Variants in MINK1 observed in about 807,000 individuals in gnomAD.
The protein encoded by MINK1 is misshapen like kinase 1.
A neutral mutation model predicts 178.4 loss-of-function variants in MINK1; 46 were observed. The observed-to-expected ratio is 0.26, with a 90% CI of 0.20 to 0.33. The LOEUF (loss-of-function observed/expected upper bound fraction) is 0.33, where lower values mean the gene tolerates loss of function less well. Ranked by LOEUF, MINK1 falls within the 10% of genes least tolerant of loss-of-function variation. The probability of loss-of-function intolerance (pLI) is 1.00; values close to 1 mark genes in which losing one functional copy is unlikely to be tolerated. For missense variants in MINK1, 1,366 were observed against 1,814.9 expected (o/e 0.75, Z 4.49); for synonymous variants, 797 against 709.7 (o/e 1.12, Z -1.96).
chr17:4,840,337 TC>T (rs1910021552), intron 1 of MINK1, among the ~76,000 whole-genome samples: 1 of 152,152 alleles, frequency 6.6e-6, no homozygotes, highest in Non-Finnish European at 1.5e-5. Context: ...GGGTGGAAAC[TC>T]CAGGCTTAAT....
At chr17:4,870,213 ATTT>A (rs758815938) in intron 1 of MINK1, among the ~76,000 whole-genome samples, 97 of 123,598 alleles carry the variant, frequency 7.8e-4, no homozygotes, top group African/African-American at 2.6e-3. Flanking sequence ...CGCCCGGCCA[ATTT>A]TTTTTTTTTT....
At chr17:4,877,113 C>T (rs1304157947) in intron 1 of MINK1, among the ~76,000 whole-genome samples, 2 of 151,442 alleles carry the variant, frequency 1.3e-5, no homozygotes, top group African/African-American at 4.8e-5. Context: ...AAAGAGCCAT[C>T]ATTCTGCAGG....
Position 4,893,072 on chromosome 17 carries a change from G to A in MINK1, c.2400+5G>A. ...TCACGGCCAGGCCGGCCCGCAGTGAGTCACCTGGTGGCAGGCATGGCCTGC... is the reference window on the plus strand; with the variant it reads ...TCACGGCCAGGCCGGCCCGCAGTGAATCACCTGGTGGCAGGCATGGCCTGC... On this transcript the variant is annotated splice_donor_5th_base_variant and intron_variant, in intron 20 of 31. Transcript: ENST00000355280. 6.4e-7 allele frequency: 1 copy of A among 1,557,572 alleles called. No homozygotes were observed. The highest frequency in any genetic ancestry group is 8.7e-7 in the Non-Finnish European group (1 of 1,152,746).
rs78738540 is a variant in MINK1 at position 4,891,894 on chromosome 17, C to T, written c.2001+178C>T. On this transcript the variant is annotated intron_variant, in intron 16 of 31. Coordinates refer to ENST00000355280, the MANE Select transcript of MINK1 (RefSeq NM_153827.5). ...AGGACGCGACGTGGAGGGGTGGCATCGATCCCTGTGGGGAGCGTGGGAACG... is the reference window on the plus strand; with the variant it reads ...AGGACGCGACGTGGAGGGGTGGCATTGATCCCTGTGGGGAGCGTGGGAACG... 3.0e-3 allele frequency among the ~76,000 whole-genome samples: 461 copies of T among 152,254 alleles called. 2 individuals carry two copies. Among genetic ancestry groups the T allele is most frequent in the African/African-American group, 0.011 (441 of 41,534 alleles).
In MINK1 at chr17:4,868,180, T is replaced by C. The variant is rs367776988; in HGVS notation, c.58-10137T>C. On this transcript the variant is annotated intron_variant, in intron 1 of 31. Transcript: ENST00000355280. ...TTAGTAGAGATGGGGTTTCACCCAGTTGGCCAGGCTGGTCTCAAACTCCTG... is the reference window on the plus strand; with the variant it reads ...TTAGTAGAGATGGGGTTTCACCCAGCTGGCCAGGCTGGTCTCAAACTCCTG... Among the ~76,000 whole-genome samples the C allele has an allele frequency of 1.5e-4, 23 of 152,300 alleles. No homozygotes were observed. The South Asian group carries it at 4.8e-3, about 32-fold the overall frequency.
Position 4,881,155 on chromosome 17 carries a change from G to A in MINK1, c.204G>A (p.Gln68=). 6.5e-7 allele frequency: 1 copy of A among 1,537,184 alleles called. No homozygotes were observed. Among genetic ancestry groups the A allele is most frequent in the Non-Finnish European group, 8.7e-7 (1 of 1,146,880 alleles). The change falls in exon 4 of 32, where the codon CAG becomes CAA. Residue 68 remains glutamine (Q), a synonymous_variant. Coordinates refer to ENST00000355280, the MANE Select transcript of MINK1 (RefSeq NM_153827.5). The part of the protein sequence containing the change: ...VTEDEEEEIK[Q]EINMLKKYSH... ...AGGACGAGGAGGAAGAGATCAAACAGGAGATCAACATGCTGAAAAAGTACT... is the reference window on the plus strand; with the variant it reads ...AGGACGAGGAGGAAGAGATCAAACAAGAGATCAACATGCTGAAAAAGTACT...
rs561126978 is a variant in MINK1, at chr17:4,856,461, G to A, written c.58-21856G>A. ...TCTTTTTTTTTTCTTTCCCTCCCCC[G>A]ACATCTGAGAACTTTATCAGACACA... is the stretch of plus-strand genomic sequence containing the variant. On this transcript the variant is annotated intron_variant, in intron 1 of 31. Coordinates refer to ENST00000355280, the MANE Select transcript of MINK1 (RefSeq NM_153827.5). Among the ~76,000 whole-genome samples, 35 of 150,048 alleles carry A rather than the reference G, an allele frequency of 2.3e-4. 1 individual carries two copies. The highest frequency in any genetic ancestry group is 6.9e-4 in the African/African-American group (28 of 40,678).
At chr17:4,892,347 C>T (rs1968918981) in intron 17 of MINK1, 55 bp from the exon 18 acceptor site, 7 of 1,463,552 alleles carry the variant, frequency 4.8e-6, no homozygotes, top group Admixed American at 2.0e-5. Context: ...GCCCCAGCCC[C>T]ATCACCTCAG....
chr17:4,888,786 C>T (rs549380597), intron 12 of MINK1, among the ~76,000 whole-genome samples: 10 of 146,344 alleles, frequency 6.8e-5, no homozygotes, highest in South Asian at 6.5e-4. Context: ...AAACCTCCGT[C>T]TCCCAGGTTC....
chr17:4,894,853 A>G lies in MINK1; in HGVS notation c.2917+220A>G. The G allele has an allele frequency of 1.5e-6, 1 of 650,126 alleles. No homozygotes were observed. The highest frequency in any genetic ancestry group is 2.6e-6 in the Non-Finnish European group (1 of 381,252). 40.3% of individuals were successfully genotyped at this position (650,126 alleles called of 1,614,324 possible). A position where few individuals can be genotyped will look rare whatever the true frequency, so the allele number is the denominator to read the frequency against. On this transcript the variant is annotated intron_variant, in intron 24 of 31. Transcript: ENST00000355280. The surrounding 1 kb of genome is among the most constrained non-coding windows in gnomAD (Gnocchi z 4.1). ...CTCAGAGTTGCCAGGGGACCTGGGC[A>G]AAGACTCAAAGCTAACAAGTGACAG...
At chr17:4,893,924 C>A (rs923489091) in intron 21 of MINK1, 64 bp from the exon 22 acceptor site, 1 of 1,355,828 alleles carries the variant, frequency 7.4e-7, no homozygotes, top group Non-Finnish European at 9.9e-7. Flanking sequence ...CTGCCATCTG[C>A]TGCCTTTGGC....
rs1172533683 is a variant in MINK1 at position 4,894,350 on chromosome 17, C to T, written c.2808+39C>T. On this transcript the variant is annotated intron_variant, in intron 23 of 31. Transcript: ENST00000355280. This position sits in a 1 kb window ranked among gnomAD's most constrained non-coding sequence, Gnocchi z 4.1. ...AGGCAGGTCCGCCGGGAGAGAAGAG[C>T]CCTGGCGATGGGCAGGAGGTCCCGG... The T allele has an allele frequency of 1.3e-6, 2 of 1,597,480 alleles. No homozygotes were observed. The highest frequency in any genetic ancestry group is 2.7e-5 in the African/African-American group (2 of 74,712).
At chr17:4,861,408 C>T (rs1010825775) in intron 1 of MINK1, among the ~76,000 whole-genome samples, 2 of 152,292 alleles carry the variant, frequency 1.3e-5, no homozygotes, top group East Asian at 1.9e-4. Flanking sequence ...CCACATGAGG[C>T]GCTCTGTCTG....
chr17:4,837,611 T>G (rs1909505268), intron 1 of MINK1, among the ~76,000 whole-genome samples: 1 of 152,204 alleles, frequency 6.6e-6, no homozygotes, highest in Admixed American at 6.5e-5. Flanking sequence ...TTGGAACTCT[T>G]GGCTTCTCAC....
At chr17:4,890,800 A>C (rs1968711284) in intron 14 of MINK1, 65 bp downstream of exon 14, 4 of 1,523,416 alleles carry the variant, frequency 2.6e-6, no homozygotes, top group Non-Finnish European at 3.5e-6. Flanking sequence ...GAGAGCCACA[A>C]GAAGTAGTAG....
At chr17:4,854,559 A>C (rs1198801048) in intron 1 of MINK1, among the ~76,000 whole-genome samples, 1 of 152,200 alleles carries the variant, frequency 6.6e-6, no homozygotes, top group East Asian at 1.9e-4. Flanking sequence ...ATGTACCTGC[A>C]AGTCAGTGTG....
intron 15 of MINK1, 28 bp downstream of exon 15, chr17:4,891,152 T>G: frequency 6.7e-7 from 1 of 1,482,112 alleles, no homozygotes; most frequent in Non-Finnish European, 9.0e-7. Flanking sequence ...CCTGTCTTAA[T>G]GAAGACACAG....
chr17:4,873,617 C>CTTTTTTTTTTTTTT (rs71367860), intron 1 of MINK1, among the ~76,000 whole-genome samples: 2 of 108,086 alleles, frequency 1.9e-5, no homozygotes, highest in Middle Eastern at 4.6e-3. Context: ...TTTTTCTTTT[C>CTTTTTTTTTTTTTT]TTTTTTTTTT....
Position 4,895,987 on chromosome 17 carries a change from T to C in MINK1, c.3365-16T>C. On this transcript the variant is annotated splice_polypyrimidine_tract_variant and intron_variant, in intron 27 of 31. Coordinates refer to ENST00000355280, the MANE Select transcript of MINK1 (RefSeq NM_153827.5). This position sits in a 1 kb window ranked among gnomAD's most constrained non-coding sequence, Gnocchi z 4.3. Reference sequence around the variant, plus strand: ...AGAAGGGAAGTCTCAGCATCCCTCTTCTCTCCCGCCCCCAGTGAAATACGA... The same window carrying C: ...AGAAGGGAAGTCTCAGCATCCCTCTCCTCTCCCGCCCCCAGTGAAATACGA... 6.3e-7 allele frequency: 1 copy of C among 1,582,596 alleles called. No homozygotes were observed. The highest frequency in any genetic ancestry group is 8.6e-7 in the Non-Finnish European group (1 of 1,164,408).
Sources: allele counts gnomAD v4.1 joint callset (sites outside exome capture counted in the v4.1 genomes callset), GRCh38; gene constraint gnomAD v4.1.1; non-coding constraint Gnocchi (gnomAD v3.1); transcripts MANE v1.5; gene names NCBI Gene and HGNC (gene_info 2026-07-23, HGNC 2026-07-21).